Variants in FAM124A observed in about 807,000 individuals in gnomAD.
The protein encoded by FAM124A is family with sequence similarity 124 member A, also known as protein FAM124A.
A neutral mutation model predicts 24.5 loss-of-function variants in FAM124A; 23 were observed. That is an observed-to-expected ratio of 0.94 (90% CI 0.68 to 1.33). The LOEUF is 1.33. Among genes scored for constraint, FAM124A ranks in the 40% most tolerant of loss-of-function variants. The probability of loss-of-function intolerance (pLI) is 0.00; values close to 1 mark genes in which losing one functional copy is unlikely to be tolerated. For synonymous variants in FAM124A, 287 were observed against 314.7 expected (o/e 0.91, Z 0.93); for missense variants, 623 against 722.8 (o/e 0.86, Z 1.58).
At chr13:51,235,745 A>C (rs1954429000) in intron 2 of FAM124A, among the ~76,000 whole-genome samples, 2 of 152,242 alleles carry the variant, frequency 1.3e-5, no homozygotes, top group South Asian at 4.1e-4. Flanking sequence ...AATGCCTTGT[A>C]GACAGCAGAA....
chr13:51,258,990 G>A lies in FAM124A; in HGVS notation c.834+6789G>A, dbSNP rs73490186. Among the ~76,000 whole-genome samples the A allele has an allele frequency of 0.032, 4,924 of 152,256 alleles. 263 individuals are homozygous for A. Among genetic ancestry groups the A allele is most frequent in the African/African-American group, 0.11 (4,453 of 41,522 alleles). On this transcript the variant is annotated intron_variant, in intron 3 of 3. Transcript: ENST00000322475. The surrounding 1 kb of genome is among the most constrained non-coding windows in gnomAD (Gnocchi z 4.2). ...ACAATGGCCTGGGCAGGACGGGGCC[G>A]GGGCAGCCGTCAGGGTTCCGAGCTG...
chr13:51,256,026 C>A (rs762276328), intron 3 of FAM124A, among the ~76,000 whole-genome samples: 1 of 152,230 alleles, frequency 6.6e-6, no homozygotes, highest in Non-Finnish European at 1.5e-5. Flanking sequence ...TGGGGTTGTG[C>A]ACTGTTCCTT....
intron 1 of FAM124A, among the ~76,000 whole-genome samples, chr13:51,224,716 G>A (rs1424191755): frequency 3.3e-5 from 5 of 152,072 alleles, no homozygotes; most frequent in South Asian, 2.1e-4. Context: ...GTTTGCTATC[G>A]TTAGTATTTT....
intron 2 of FAM124A, among the ~76,000 whole-genome samples, chr13:51,240,463 CT>C (rs1954479112): frequency 6.6e-6 from 1 of 152,222 alleles, no homozygotes; most frequent in Non-Finnish European, 1.5e-5. Context: ...TGCAAGACGT[CT>C]TTCCTTTGTC....
intron 2 of FAM124A, among the ~76,000 whole-genome samples, chr13:51,237,447 A>C (rs1266073333): frequency 2.6e-5 from 4 of 152,216 alleles, no homozygotes; most frequent in African/African-American, 9.7e-5. Context: ...TATTACATTT[A>C]AGACCATGTC....
chr13:51,222,508 C>T lies in FAM124A; in HGVS notation c.7C>T (p.Pro3Ser). 1 of 1,225,794 alleles carries T rather than the reference C, an allele frequency of 8.2e-7. No homozygotes were observed. Among genetic ancestry groups the T allele is most frequent in the Non-Finnish European group, 1.0e-6 (1 of 985,504 alleles). 75.9% of individuals were successfully genotyped at this position (1,225,794 alleles called of 1,614,324 possible). Residue 3 changes from proline (P) to serine (S), a missense_variant, in exon 1 of 4, where the codon CCA (proline) becomes TCA (serine). Coordinates refer to ENST00000322475, the MANE Select transcript of FAM124A (RefSeq NM_001242312.2). ...CGCGGCCGGGACGTGCACCATGGAC[C>T]CAAAGGCGGGCGGCGGCGGCGAGGA... The part of the protein sequence containing the change: MD[P>S]KAGGGGEEDD...
intron 3 of FAM124A, among the ~76,000 whole-genome samples, chr13:51,276,569 C>T (rs1954887550): frequency 6.6e-6 from 1 of 152,170 alleles, no homozygotes; most frequent in Non-Finnish European, 1.5e-5. Flanking sequence ...GTGAACTTTG[C>T]CCTTTCCATC....
At chr13:51,237,514 G>C (rs1593588972) in intron 2 of FAM124A, among the ~76,000 whole-genome samples, 1 of 152,050 alleles carries the variant, frequency 6.6e-6, no homozygotes, top group East Asian at 1.9e-4. Context: ...TTCAGGGTGA[G>C]CTGTGGCACA....
chr13:51,230,943 G>A (rs1049429174), intron 1 of FAM124A, among the ~76,000 whole-genome samples: 2 of 152,184 alleles, frequency 1.3e-5, no homozygotes, highest in African/African-American at 4.8e-5. Context: ...TGTTAGCAAA[G>A]AACATTTCCC....
chr13:51,252,108 C>G lies in FAM124A; in HGVS notation c.741C>G (p.Gly247=). The part of the protein sequence containing the change: ...SVLEFRVRDI[G]ELVPLLPNPC... ...TGGAGTTCCGAGTGAGGGACATAGG[C>G]GAGCTCGTGCCTCTCCTGCCCAACC... The change falls in exon 3 of 4, where the codon GGC becomes GGG. Residue 247 remains glycine, a synonymous_variant. Transcript: ENST00000322475. The G allele has an allele frequency of 6.2e-7, 1 of 1,614,070 alleles. No individual in the cohort carries two copies. Among genetic ancestry groups the G allele is most frequent in the Middle Eastern group, 1.6e-4 (1 of 6,062 alleles).
At chr13:51,226,135 G>A (rs999023553) in intron 1 of FAM124A, among the ~76,000 whole-genome samples, 1 of 150,772 alleles carries the variant, frequency 6.6e-6, no homozygotes, top group Non-Finnish European at 1.5e-5. Context: ...TGGGATTACA[G>A]GCCCGCACCA....
At chr13:51,276,985 C>A (rs1015216041) in intron 3 of FAM124A, among the ~76,000 whole-genome samples, 1 of 151,972 alleles carries the variant, frequency 6.6e-6, no homozygotes, top group Non-Finnish European at 1.5e-5. Context: ...CCTTTACTAG[C>A]GATTTAAGAA....
chr13:51,250,722 C>T (rs952518882), intron 2 of FAM124A, among the ~76,000 whole-genome samples: 8 of 152,204 alleles, frequency 5.3e-5, no homozygotes, highest in Non-Finnish European at 1.2e-4. Context: ...TAACCTCAGC[C>T]CCAGTAAGCT....
At chr13:51,224,396 G>A (rs908122649) in intron 1 of FAM124A, among the ~76,000 whole-genome samples, 3 of 152,092 alleles carry the variant, frequency 2.0e-5, no homozygotes, top group African/African-American at 4.8e-5. Context: ...GCTTGAACCC[G>A]GGAGGCGGAG....
intron 3 of FAM124A, among the ~76,000 whole-genome samples, chr13:51,275,504 A>C (rs886728736): frequency 1.3e-5 from 2 of 152,260 alleles, no homozygotes; most frequent in Non-Finnish European, 2.9e-5. Context: ...GTAAGCCACA[A>C]ACTGGCTGAT....
Position 51,222,477 on chromosome 13 carries a change from G to A in FAM124A, c.-25G>A. The A allele has an allele frequency of 8.3e-7, 1 of 1,211,476 alleles. No individual in the cohort carries two copies. Among genetic ancestry groups the A allele is most frequent in the South Asian group, 3.9e-5 (1 of 25,334 alleles). The allele number at this position is 1,211,476 out of a possible 1,614,324, so 75.0% of individuals were successfully genotyped here. On this transcript the variant is annotated 5_prime_UTR_variant, in exon 1 of 4. Transcript: ENST00000322475. ...CCCCGGGTCACGACGGCGCCCGCAA[G>A]CCGAGCGCGGCCGGGACGTGCACCA...
chr13:51,241,156 T>C (rs1428156373), intron 2 of FAM124A, among the ~76,000 whole-genome samples: 4 of 152,198 alleles, frequency 2.6e-5, no homozygotes, highest in African/African-American at 9.6e-5. Flanking sequence ...AACAAAATTT[T>C]CAGAAATTCA....
chr13:51,261,099 C>T (rs1954731640), intron 3 of FAM124A, among the ~76,000 whole-genome samples: 1 of 152,208 alleles, frequency 6.6e-6, no homozygotes. Flanking sequence ...GATTTCATCC[C>T]ATTTGCACCT....
In FAM124A at chr13:51,279,451, T is replaced by C. The variant is rs1954914543; in HGVS notation, c.835-999T>C. Among the ~76,000 whole-genome samples, 3 of 152,142 alleles carry C rather than the reference T, an allele frequency of 2.0e-5. No homozygotes were observed. In the South Asian group the frequency reaches 6.2e-4, roughly 32 times the overall value. ...TTGTAAATCAGGTACTATTAATATA[T>C]ACTAAGTCAAGCCAGACCGACTGCC... On this transcript the variant is annotated intron_variant, in intron 3 of 3. Transcript: ENST00000322475.
Sources: gnomAD v4.1 joint callset for allele counts (sites outside exome capture counted in the v4.1 genomes callset) on GRCh38, gnomAD v4.1.1 for gene constraint, Gnocchi (gnomAD v3.1) non-coding constraint, MANE v1.5 for transcripts, NCBI Gene and HGNC (gene_info 2026-07-23, HGNC 2026-07-21) for gene names.